BFSP1: variants seen among roughly 807,000 people sequenced by gnomAD.
BFSP1 encodes the protein beaded filament structural protein 1.
In BFSP1, 38 loss-of-function variants were observed where a neutral mutation model predicts 43.9. The observed-to-expected ratio is 0.87, with a 90% confidence interval of 0.67 to 1.14. The LOEUF is 1.14. BFSP1 is among the 50% of genes most tolerant of loss of function. BFSP1 has a pLI of 0.00. For synonymous variants in BFSP1, 352 were observed against 354.8 expected (o/e 0.99, Z 0.09); for missense variants, 850 against 875.1 (o/e 0.97, Z 0.36).
intron 5 of BFSP1, 62 bp downstream of exon 5, chr20:17,508,827 G>T: frequency 7.1e-7 from 1 of 1,401,054 alleles, no homozygotes; most frequent in Non-Finnish European, 9.6e-7. Context: ...GTGTGCCTGC[G>T]CGTAACACCT....
intron 1 of BFSP1, among the ~76,000 whole-genome samples, chr20:17,557,288 A>C (rs2035007595): frequency 6.6e-6 from 1 of 152,196 alleles, no homozygotes; most frequent in Admixed American, 6.5e-5. Context: ...CTTTGGAGAA[A>C]TTTGAGATAC....
rs533318140 is a variant in BFSP1 at position 17,537,988 on chromosome 20, G to A, written c.3-13080C>T. ...ATACAAAAATTGGCCGGGCATGGTG[G>A]CACATGTCTGTAGTTCCAGCTACTT... is the stretch of plus-strand genomic sequence containing the variant. On this transcript the variant is annotated intron_variant, in intron 1 of 7. Coordinates refer to the BFSP1 transcript ENST00000377868. Among the ~76,000 whole-genome samples the A allele has an allele frequency of 2.0e-5, 3 of 151,328 alleles. No individual in the cohort carries two copies. The East Asian group carries it at 5.8e-4, about 29-fold the overall frequency.
At chr20:17,510,153 C>T (rs1226587260) in intron 4 of BFSP1, among the ~76,000 whole-genome samples, 1 of 152,214 alleles carries the variant, frequency 6.6e-6, no homozygotes, top group Non-Finnish European at 1.5e-5. Context: ...AGCATGCACA[C>T]GAGTCCCTGC....
intron 7 of BFSP1, among the ~76,000 whole-genome samples, chr20:17,496,452 G>C (rs1174220385): frequency 6.6e-6 from 1 of 152,194 alleles, no homozygotes; most frequent in African/African-American, 2.4e-5. Context: ...TTTGAGGGAG[G>C]GGAGAATGAG....
chr20:17,533,308 T>C (rs566848324), upstream of BFSP1, among the ~76,000 whole-genome samples: 152 of 152,334 alleles, frequency 1.0e-3, no homozygotes, highest in Non-Finnish European at 2.0e-3. Context: ...GCATGGTAAA[T>C]TGACTTCAGG....
chr20:17,497,110 A>C, intron 6 of BFSP1, 87 bp from the exon 7 acceptor site: 1 of 1,055,294 alleles, frequency 9.5e-7, no homozygotes, highest in Non-Finnish European at 1.3e-6. Context: ...ATGAAAAAAA[A>C]GCTTTCTCTA....
chr20:17,508,949 C>T lies in BFSP1; in HGVS notation c.675G>A (p.Leu225=), dbSNP rs140834233. Residue 225 remains leucine (L), a synonymous_variant, in exon 5 of 8, where the codon CTG becomes CTA. Transcript: ENST00000377873. ...EREVAALRSQ[L]EEGREVLSHL... ...GGGAGAGCACCTCCCGGCCCTCCTC[C>T]AGCTGACTCCGCAGGGCGGCCACCT... The T allele has an allele frequency of 1.5e-3, 2,459 of 1,604,808 alleles. 52 individuals carry two copies. The East Asian group carries it at 0.04, about 26-fold the overall frequency.
chr20:17,524,725 G>T, intron 2 of BFSP1, 123 bp downstream of exon 2: 2 of 1,007,646 alleles, frequency 2.0e-6, no homozygotes, highest in South Asian at 1.4e-5. Context: ...GAGACAGAGT[G>T]ACTGCAAAAG....
At chr20:17,545,256 G>A (rs73599756) in intron 1 of BFSP1, among the ~76,000 whole-genome samples, 2 of 152,228 alleles carry the variant, frequency 1.3e-5, no homozygotes, top group African/African-American at 2.4e-5. Context: ...TAGGGTTTGC[G>A]GGCTGGGCTG....
intron 1 of BFSP1, among the ~76,000 whole-genome samples, chr20:17,529,018 T>C (rs893575620): frequency 4.6e-5 from 7 of 152,118 alleles, no homozygotes; most frequent in African/African-American, 1.7e-4. Context: ...ATTTTAAAAT[T>C]CATTTATGTA....
chr20:17,494,128 G>T lies in BFSP1; in HGVS notation c.1944C>A (p.Thr648=). The part of the protein sequence containing the change: ...TYEETAVIVE[T]MIGKTKSDKK... ...TGTCTGACTTTGTCTTTCCAATCATGGTCTCCACGATCACAGCGGTTTCTT... is the reference window on the plus strand; with the variant it reads ...TGTCTGACTTTGTCTTTCCAATCATTGTCTCCACGATCACAGCGGTTTCTT... The change falls in exon 8 of 8, where the codon ACC becomes ACA. Residue 648 remains threonine, a synonymous_variant. Coordinates refer to ENST00000377873, the MANE Select transcript of BFSP1 (RefSeq NM_001195.5). The T allele has an allele frequency of 1.2e-6, 2 of 1,614,078 alleles. No individual in the cohort carries two copies. The highest frequency in any genetic ancestry group is 8.5e-7 in the Non-Finnish European group (1 of 1,180,022).
chr20:17,568,603 GAAC>G (rs2122141855), intron 1 of BFSP1, among the ~76,000 whole-genome samples: 1 of 152,234 alleles, frequency 6.6e-6, no homozygotes, highest in East Asian at 1.9e-4. Context: ...ATCTAGCTTT[GAAC>G]AACTTTTCCA....
Position 17,507,275 on chromosome 20 carries a change from GT to G in BFSP1, c.735+1613del, listed in dbSNP as rs1165584668. Among the ~76,000 whole-genome samples, 6 of 111,944 alleles carry G rather than the reference GT, an allele frequency of 5.4e-5. No individual in the cohort carries two copies. Among genetic ancestry groups the G allele is most frequent in the African/African-American group, 1.8e-4 (4 of 22,120 alleles). 73.4% of individuals were successfully genotyped at this position (111,944 alleles called of 152,430 possible). A position where few individuals can be genotyped will look rare whatever the true frequency, so the allele number is the denominator to read the frequency against. On this transcript the variant is annotated intron_variant, in intron 5 of 7. Transcript: ENST00000377873. The surrounding 1 kb of genome is among the most constrained non-coding windows in gnomAD (Gnocchi z 4.4). Reference sequence around the variant, plus strand: ...AGCCATACACATCAGATAGGTAGGTGTGTGTGTGTGTGTGTGTGTGTGTGTG... The same window carrying G: ...AGCCATACACATCAGATAGGTAGGTGGTGTGTGTGTGTGTGTGTGTGTGTG...
At chr20:17,499,794 C>T (rs561804955) in intron 5 of BFSP1, among the ~76,000 whole-genome samples, 28 of 152,158 alleles carry the variant, frequency 1.8e-4, no homozygotes, top group Middle Eastern at 3.4e-3. Flanking sequence ...TGGTGGCACA[C>T]GCCATAATCC....
chr20:17,503,910 AC>A (rs1253341039), intron 5 of BFSP1, among the ~76,000 whole-genome samples: 7 of 152,208 alleles, frequency 4.6e-5, no homozygotes, highest in Admixed American at 6.5e-5. Flanking sequence ...AAATAGAACC[AC>A]AAAGCATCAC....
At chr20:17,526,833 TTTTTG>T (rs2034434432) in intron 1 of BFSP1, among the ~76,000 whole-genome samples, 1 of 152,342 alleles carries the variant, frequency 6.6e-6, no homozygotes, top group South Asian at 2.1e-4. Context: ...TTTCTGTTGT[TTTTTG>T]TTTTGTTTTG....
chr20:17,506,219 T>G (rs2033933342), intron 5 of BFSP1, among the ~76,000 whole-genome samples: 1 of 152,174 alleles, frequency 6.6e-6, no homozygotes, highest in South Asian at 2.1e-4. Flanking sequence ...AGAACTTGAA[T>G]GAGACTGGAA....
chr20:17,516,987 C>A (rs2034213227), intron 2 of BFSP1: 2 of 761,282 alleles, frequency 2.6e-6, no homozygotes. Flanking sequence ...TGCTAGCAAG[C>A]AACTGGAGGA....
intron 3 of BFSP1, among the ~76,000 whole-genome samples, chr20:17,513,946 C>A (rs1037166030): frequency 6.6e-6 from 1 of 152,170 alleles, no homozygotes; most frequent in African/African-American, 2.4e-5. Context: ...CACCAACTCC[C>A]ATCAGTTCTG....
Sources: gnomAD v4.1 joint callset for allele counts (sites outside exome capture counted in the v4.1 genomes callset) on GRCh38, gnomAD v4.1.1 for gene constraint, Gnocchi (gnomAD v3.1) non-coding constraint, MANE v1.5 for transcripts, NCBI Gene and HGNC (gene_info 2026-07-23, HGNC 2026-07-21) for gene names.